BRAP: variants seen among roughly 807,000 people sequenced by gnomAD.
BRAP encodes BRCA1-associated protein.
Under a neutral mutation model 73.4 loss-of-function variants are expected in BRAP, and 42 were observed. That is an observed-to-expected ratio of 0.57 (90% CI 0.45 to 0.74). BRAP has a LOEUF of 0.74. BRAP is among the 30% of genes least tolerant of loss of function. The probability of loss-of-function intolerance (pLI) is 0.00; values close to 1 mark genes in which losing one functional copy is unlikely to be tolerated. For synonymous variants in BRAP, 255 were observed against 267.4 expected (o/e 0.95, Z 0.45); for missense variants, 593 against 751.4 (o/e 0.79, Z 2.46).
intron 10 of BRAP, among the ~76,000 whole-genome samples, chr12:111,651,536 C>CA (rs111761278): frequency 0.016 from 2,354 of 147,550 alleles, 70 homozygotes; most frequent in African/African-American, 0.055. Context: ...GACACCATTA[C>CA]AAAAAAAATA....
At chr12:111,663,432 GAC>G (rs1886825919) in intron 6 of BRAP, among the ~76,000 whole-genome samples, 1 of 152,268 alleles carries the variant, frequency 6.6e-6, no homozygotes, top group Admixed American at 6.5e-5. Flanking sequence ...CAGCCTGGGT[GAC>G]AGAGTGAGAC....
chr12:111,677,852 T>A (rs1887444440), intron 4 of BRAP, among the ~76,000 whole-genome samples: 1 of 152,146 alleles, frequency 6.6e-6, no homozygotes, highest in African/African-American at 2.4e-5. Context: ...AATGATGGGG[T>A]ACTTTGTAAA....
intron 3 of BRAP, 140 bp downstream of exon 3, chr12:111,681,497 C>A: frequency 3.1e-6 from 2 of 641,334 alleles, no homozygotes; most frequent in Non-Finnish European, 5.0e-6. Flanking sequence ...TGAGAATTCT[C>A]TAACATACAA....
chr12:111,681,604 TG>T, intron 3 of BRAP, 32 bp downstream of exon 3: 6 of 1,446,664 alleles, frequency 4.1e-6, no homozygotes, highest in Non-Finnish European at 5.6e-6. Flanking sequence ...AAAAAAAAAT[TG>T]ACTAACCCCC....
At chr12:111,644,906 G>A (rs948648511) in intron 11 of BRAP, among the ~76,000 whole-genome samples, 3 of 151,720 alleles carry the variant, frequency 2.0e-5, no homozygotes, top group African/African-American at 7.3e-5. Context: ...ACAGGCACCT[G>A]CCACTATGCC....
At position 111,659,444 on chromosome 12, in the gene BRAP, A is replaced by G. The variant is rs955827496; in HGVS notation, c.973-99T>C. On this transcript the variant is annotated intron_variant, in intron 7 of 11. Transcript: ENST00000419234. ...CGAGGCAGATGGATCACCTGAGGTCAGGAGTTCGAGACCAGCCTGGCCAAC... is the reference window on the plus strand; with the variant it reads ...CGAGGCAGATGGATCACCTGAGGTCGGGAGTTCGAGACCAGCCTGGCCAAC... 5.2e-6 allele frequency: 6 copies of G among 1,154,434 alleles called. No individual in the cohort carries two copies. In the African/African-American group the frequency reaches 6.2e-5, roughly 12 times the overall value. The allele number at this position is 1,154,434 out of a possible 1,614,324, so 71.5% of individuals were successfully genotyped here. A position where few individuals can be genotyped will look rare whatever the true frequency, so the allele number is the denominator to read the frequency against.
chr12:111,685,566 G>A, intron 1 of BRAP, 145 bp downstream of exon 1: 1 of 1,366,134 alleles, frequency 7.3e-7, no homozygotes, highest in South Asian at 1.6e-5. Flanking sequence ...AGGCGGATGG[G>A]AAAGAGAGGG....
chr12:111,680,069 T>C (rs559587144), intron 3 of BRAP, among the ~76,000 whole-genome samples: 13 of 151,344 alleles, frequency 8.6e-5, no homozygotes, highest in African/African-American at 3.1e-4. Context: ...GCAATTCTCC[T>C]GCTCAGCCTC....
chr12:111,665,836 C>T lies in BRAP; in HGVS notation c.748-49G>A, dbSNP rs750485667. ...CCTCACTCTTCATCTACCAGCAATA[C>T]TTTATTTTTCCTTCTTTTTTCTGAG... On this transcript the variant is annotated intron_variant, in intron 5 of 11. Coordinates refer to ENST00000419234, the MANE Select transcript of BRAP (RefSeq NM_006768.5). This position sits in a 1 kb window ranked among gnomAD's most constrained non-coding sequence, Gnocchi z 4.3. 9 of 1,607,410 alleles carry T rather than the reference C, an allele frequency of 5.6e-6. No homozygotes were observed. Among genetic ancestry groups the T allele is most frequent in the Middle Eastern group, 1.6e-4 (1 of 6,068 alleles).
At chr12:111,681,885 G>A (rs924777339) in intron 2 of BRAP, 50 bp from the exon 3 acceptor site, 2 of 1,489,988 alleles carry the variant, frequency 1.3e-6, no homozygotes, top group Admixed American at 2.2e-5. Flanking sequence ...GACATATGCT[G>A]AAGGATTTGA....
At chr12:111,685,474 T>G in intron 1 of BRAP, 1 of 958,174 alleles carries the variant, frequency 1.0e-6, no homozygotes. Flanking sequence ...GCGCCAGGTA[T>G]AAACTAAATG....
intron 1 of BRAP, among the ~76,000 whole-genome samples, chr12:111,684,841 G>C (rs1482738000): frequency 6.6e-6 from 1 of 152,062 alleles, no homozygotes. Flanking sequence ...GCTAATTTTT[G>C]TATTTTTAGT....
At chr12:111,653,575 T>C (rs1430514661) in intron 10 of BRAP, among the ~76,000 whole-genome samples, 1 of 152,166 alleles carries the variant, frequency 6.6e-6, no homozygotes, top group African/African-American at 2.4e-5. Flanking sequence ...CGGCACTACC[T>C]AAGGCACTGG....
intron 6 of BRAP, among the ~76,000 whole-genome samples, chr12:111,663,940 C>T (rs2135911757): frequency 6.6e-6 from 1 of 152,306 alleles, no homozygotes; most frequent in Admixed American, 6.5e-5. Context: ...GTGTCCTCCT[C>T]CTGTATAAAA....
chr12:111,680,540 A>C (rs1592999380), intron 3 of BRAP, among the ~76,000 whole-genome samples: 1 of 151,820 alleles, frequency 6.6e-6, no homozygotes, highest in East Asian at 2.0e-4. Context: ...CTGCCAAAAA[A>C]AAAAAAAAAA....
Position 111,672,655 on chromosome 12 carries a change from A to C in BRAP, c.747+6T>G. ...TTAATTAAATATAGGAACAATTCAC[A>C]CTTACATCTTCAGATTTGAGCACTT... On this transcript the variant is annotated splice_donor_region_variant and intron_variant, in intron 5 of 11. Coordinates refer to ENST00000419234, the MANE Select transcript of BRAP (RefSeq NM_006768.5). The C allele has an allele frequency of 6.2e-7, 1 of 1,603,162 alleles. No individual in the cohort carries two copies. Among genetic ancestry groups the C allele is most frequent in the Non-Finnish European group, 8.5e-7 (1 of 1,171,672 alleles).
intron 5 of BRAP, among the ~76,000 whole-genome samples, chr12:111,669,266 G>A (rs1363464011): frequency 1.4e-5 from 2 of 147,114 alleles, no homozygotes; most frequent in Middle Eastern, 3.5e-3. Context: ...TTTCGCTCTT[G>A]TTGCCCAGGC....
chr12:111,682,633 C>T (rs555619903), intron 2 of BRAP, among the ~76,000 whole-genome samples: 30 of 152,104 alleles, frequency 2.0e-4, no homozygotes, highest in African/African-American at 5.8e-4. Flanking sequence ...CCCTGGTAGC[C>T]GGGTGTGGTG....
At chr12:111,666,214 C>A (rs2135914201) in intron 5 of BRAP, among the ~76,000 whole-genome samples, 1 of 152,286 alleles carries the variant, frequency 6.6e-6, no homozygotes, top group Non-Finnish European at 1.5e-5. Flanking sequence ...AAGATCTCTG[C>A]CCTTACAGAA....
Sources: allele counts gnomAD v4.1 joint callset (sites outside exome capture counted in the v4.1 genomes callset), GRCh38; gene constraint gnomAD v4.1.1; non-coding constraint Gnocchi (gnomAD v3.1); transcripts MANE v1.5; gene names NCBI Gene and HGNC (gene_info 2026-07-23, HGNC 2026-07-21).